The following ZNF611 variants were observed in gnomAD, a reference collection of about 807,000 sequenced individuals.
ZNF611 encodes the protein zinc finger protein 611.
A neutral mutation model predicts 8.9 loss-of-function variants in ZNF611; 6 were observed. The ratio of observed to expected loss-of-function variants is 0.68; its 90% CI spans 0.37 to 1.34. ZNF611 has a LOEUF of 1.34. Ranked by LOEUF, ZNF611 falls within the 40% of genes most tolerant of loss-of-function variation. The probability of loss-of-function intolerance (pLI) is 0.02; values close to 1 mark genes in which losing one functional copy is unlikely to be tolerated. For missense variants in ZNF611, 874 were observed against 841.3 expected (o/e 1.04, Z -0.48); for synonymous variants, 262 against 279.7 (o/e 0.94, Z 0.63).
chr19:52,715,434 T>A (rs2062310025), intron 4 of ZNF611, among the ~76,000 whole-genome samples: 1 of 152,168 alleles, frequency 6.6e-6, no homozygotes, highest in African/African-American at 2.4e-5. Context: ...ATCTCTCTCC[T>A]TATTATTCTC....
chr19:52,718,996 C>G (rs569524330), intron 3 of ZNF611, among the ~76,000 whole-genome samples: 33 of 151,982 alleles, frequency 2.2e-4, no homozygotes, highest in African/African-American at 7.5e-4. Flanking sequence ...GATGGTGAAC[C>G]TCTGTCTCTG....
intron 3 of ZNF611, among the ~76,000 whole-genome samples, chr19:52,723,183 A>T (rs59694757): frequency 0.037 from 5,546 of 148,368 alleles, 329 homozygotes; most frequent in African/African-American, 0.13. Flanking sequence ...CCTCTCCTGC[A>T]ATTTATCCCC....
In ZNF611 at chr19:52,705,642, T is replaced by C. The variant is rs752397972; in HGVS notation, c.1413A>G (p.Lys471=). The change falls in exon 6 of 6, where the codon AAA becomes AAG. Residue 471 remains lysine (K), a synonymous_variant. Transcript: ENST00000652185. ...KAFVWSSQLA[K]HTRIDCGEKP... Reference sequence around the variant, plus strand: ...TTTCTCCACAGTCAATTCTAGTATGTTTTGCCAGTTGTGAACTCCACACAA... The same window carrying C: ...TTTCTCCACAGTCAATTCTAGTATGCTTTGCCAGTTGTGAACTCCACACAA... 4.3e-6 allele frequency: 7 copies of C among 1,613,788 alleles called. No homozygotes were observed. The Admixed American group carries it at 1.0e-4, about 23-fold the overall frequency.
At chr19:52,712,445 A>T (rs1274755815) in intron 5 of ZNF611, among the ~76,000 whole-genome samples, 1 of 126,552 alleles carries the variant, frequency 7.9e-6, no homozygotes, top group Non-Finnish European at 1.6e-5. Context: ...ATGGTGAAAC[A>T]CTGTCTCTAC....
At chr19:52,709,106 C>T (rs1319524483) in intron 5 of ZNF611, among the ~76,000 whole-genome samples, 10 of 152,076 alleles carry the variant, frequency 6.6e-5, no homozygotes, top group African/African-American at 2.2e-4. Flanking sequence ...CCCGAATGTT[C>T]GCATTGGCTA....
At position 52,715,840 on chromosome 19, in the gene ZNF611, G is replaced by C. The variant is rs2062313107; in HGVS notation, c.55C>G (p.Leu19Val). The change falls in exon 4 of 6, where the codon CTT (leucine) becomes GTT (valine). Residue 19 changes from leucine to valine, a missense_variant. Coordinates refer to ENST00000652185, the MANE Select transcript of ZNF611 (RefSeq NM_001161499.2). ...GAGGAATATCACTTCACCTGAGGAAGAGCCATGCCTGGCTCCTTTCCTTTC... is the reference window on the plus strand; with the variant it reads ...GAGGAATATCACTTCACCTGAGGAACAGCCATGCCTGGCTCCTTTCCTTTC... ...KRKGKEPGMALPQGRLTFRDV... is the reference protein window; with the variant it reads ...KRKGKEPGMAVPQGRLTFRDV... 6.2e-7 allele frequency: 1 copy of C among 1,612,400 alleles called. No individual in the cohort carries two copies. Among genetic ancestry groups the C allele is most frequent in the African/African-American group, 1.3e-5 (1 of 74,938 alleles).
rs146442850 is a variant in ZNF611 at position 52,722,233 on chromosome 19, C to T, written c.-19-6320G>A. On this transcript the variant is annotated intron_variant, in intron 3 of 5. Coordinates refer to ENST00000652185, the MANE Select transcript of ZNF611 (RefSeq NM_001161499.2). ...AATAAAATAAAAAATAAATAAATAA[C>T]TAGCCGGGCTTGGTGTCTCACACCT... Among the ~76,000 whole-genome samples the T allele has an allele frequency of 1.6e-4, 25 of 151,970 alleles. No homozygotes were observed. In the South Asian group the frequency reaches 5.0e-3, roughly 30 times the overall value.
At chr19:52,726,726 T>TG (rs888147492) in intron 3 of ZNF611, among the ~76,000 whole-genome samples, 4 of 146,522 alleles carry the variant, frequency 2.7e-5, no homozygotes, top group African/African-American at 1.1e-4. Flanking sequence ...CCTTGTGTTT[T>TG]TTTTTTTTTT....
Position 52,705,853 on chromosome 19 carries a change from T to G in ZNF611, c.1202A>C (p.Lys401Thr), listed in dbSNP as rs201300644. Residue 401 changes from lysine to threonine, a missense_variant, in exon 6 of 6, where the codon AAG becomes ACG. Physicochemically the swap from Lys to Thr is moderately conservative, Grantham distance 78. Coordinates refer to ENST00000652185, the MANE Select transcript of ZNF611 (RefSeq NM_001161499.2). ...CCACGTGAAAGCTGTGTCACAAACC[T>G]TACATCTGTATGGTTTCTCTCCAGT... Reference protein sequence around the residue: ...IHTGEKPYRCKVCDTAFTWHS... With the variant: ...IHTGEKPYRCTVCDTAFTWHS... 5.3e-5 allele frequency: 86 copies of G among 1,614,164 alleles called. 1 individual carries two copies. In the East Asian group the frequency reaches 1.8e-3, roughly 35 times the overall value.
intron 5 of ZNF611, among the ~76,000 whole-genome samples, chr19:52,709,107 G>A (rs908758688): frequency 1.2e-4 from 18 of 152,086 alleles, no homozygotes; most frequent in African/African-American, 3.6e-4. Context: ...CCGAATGTTC[G>A]CATTGGCTAA....
At chr19:52,731,637 G>A (rs2147451039) in intron 1 of ZNF611, among the ~76,000 whole-genome samples, 1 of 152,046 alleles carries the variant, frequency 6.6e-6, no homozygotes, top group South Asian at 2.1e-4. Flanking sequence ...AAAGTGCTGG[G>A]ATTACAGGCT....
At chr19:52,712,054 T>C (rs923605616) in intron 5 of ZNF611, among the ~76,000 whole-genome samples, 17 of 151,988 alleles carry the variant, frequency 1.1e-4, no homozygotes, top group East Asian at 1.9e-4. Flanking sequence ...CAAATTACAA[T>C]ATGGGCAAGG....
chr19:52,727,517 G>A (rs1479476101), intron 3 of ZNF611, among the ~76,000 whole-genome samples: 1 of 152,172 alleles, frequency 6.6e-6, no homozygotes, highest in Non-Finnish European at 1.5e-5. Flanking sequence ...CAGCTAACTA[G>A]CTTCATCCCG....
At position 52,714,751 on chromosome 19, in the gene ZNF611, G is replaced by A. The variant is rs1348910722; in HGVS notation, c.64-610C>T. On this transcript the variant is annotated intron_variant, in intron 4 of 5. Transcript: ENST00000652185. The stretch of plus-strand genomic sequence containing the variant: ...GCAGTGACTGTCACCTGTAATCCCA[G>A]CACTTTGGGAGACCAAGACGGGCAG... Among the ~76,000 whole-genome samples, 2 of 128,722 alleles carry A rather than the reference G, an allele frequency of 1.6e-5. 1 individual carries two copies. Among genetic ancestry groups the A allele is most frequent in the Non-Finnish European group, 3.2e-5 (2 of 62,742 alleles). 84.4% of individuals were successfully genotyped at this position (128,722 alleles called of 152,430 possible).
At chr19:52,710,575 G>A (rs1568601825) in intron 5 of ZNF611, among the ~76,000 whole-genome samples, 1 of 152,004 alleles carries the variant, frequency 6.6e-6, no homozygotes, top group Non-Finnish European at 1.5e-5. Flanking sequence ...ATGTTTGCCC[G>A]ACTGGTCTCA....
At chr19:52,709,360 C>T (rs149200219) in intron 5 of ZNF611, among the ~76,000 whole-genome samples, 1,855 of 152,146 alleles carry the variant, frequency 0.012, 34 homozygotes, top group African/African-American at 0.042. Flanking sequence ...GCAACCTCTG[C>T]CTCCCGGGTT....
At chr19:52,734,203 T>C (rs2062442988) in intron 1 of ZNF611, among the ~76,000 whole-genome samples, 2 of 143,114 alleles carry the variant, frequency 1.4e-5, no homozygotes, top group South Asian at 4.4e-4. Flanking sequence ...TTTTTTTTTT[T>C]TCACTTCTGC....
chr19:52,729,386 A>G (rs943018020), intron 2 of ZNF611, among the ~76,000 whole-genome samples: 1 of 150,704 alleles, frequency 6.6e-6, no homozygotes, highest in Non-Finnish European at 1.5e-5. Flanking sequence ...CCAGCTACTC[A>G]GGAGACTGAG....
At chr19:52,716,154 G>C (rs1200391626) in intron 3 of ZNF611, 1 of 488,310 alleles carries the variant, frequency 2.0e-6, no homozygotes, top group Non-Finnish European at 3.7e-6. Context: ...GCAGTGGGGA[G>C]CTGGGCTGGA....
Sources: allele counts gnomAD v4.1 joint callset (sites outside exome capture counted in the v4.1 genomes callset), GRCh38; gene constraint gnomAD v4.1.1; transcripts MANE v1.5; gene names NCBI Gene and HGNC (gene_info 2026-07-23, HGNC 2026-07-21).